Variants in RYR3 observed in about 807,000 individuals in gnomAD.
RYR3 encodes brain ryanodine receptor-calcium release channel.
RYR3 carries 207 observed loss-of-function variants against 584.3 expected under a neutral mutation model. The observed-to-expected ratio is 0.35, with a 90% CI of 0.32 to 0.40. RYR3 has a LOEUF of 0.40. Among genes scored for constraint, RYR3 ranks in the 10% least tolerant of loss-of-function variants. The probability of loss-of-function intolerance (pLI) is 1.00; values close to 1 mark genes in which losing one functional copy is unlikely to be tolerated. For synonymous variants in RYR3, 2,416 were observed against 2,248.5 expected (o/e 1.07, Z -2.11); for missense variants, 5,616 against 6,089.2 (o/e 0.92, Z 2.59).
At chr15:33,345,193 A>G (rs74005183) in intron 1 of RYR3, among the ~76,000 whole-genome samples, 9,157 of 152,238 alleles carry the variant, frequency 0.06, 407 homozygotes, top group African/African-American at 0.13. Context: ...AGAACAGAGT[A>G]TAAGCCTACC....
At chr15:33,651,608 G>A (rs1444866401) in intron 31 of RYR3, among the ~76,000 whole-genome samples, 1 of 152,156 alleles carries the variant, frequency 6.6e-6, no homozygotes, top group Non-Finnish European at 1.5e-5. Flanking sequence ...GAGAGGTGAA[G>A]CAACTCTCAG....
chr15:33,624,415 G>A (rs757669447), intron 20 of RYR3, among the ~76,000 whole-genome samples: 3 of 152,210 alleles, frequency 2.0e-5, no homozygotes, highest in Non-Finnish European at 4.4e-5. Context: ...GTTTCTAGAA[G>A]TCTGTGTGGT....
At chr15:33,741,637 G>A (rs1415224208) in intron 51 of RYR3, among the ~76,000 whole-genome samples, 1 of 151,782 alleles carries the variant, frequency 6.6e-6, no homozygotes, top group Non-Finnish European at 1.5e-5. Context: ...TTTTTGAGAT[G>A]GAGTCTTACT....
At chr15:33,623,752 T>C in intron 19 of RYR3, 55 bp from the exon 20 acceptor site, 1 of 1,271,806 alleles carries the variant, frequency 7.9e-7, no homozygotes, top group East Asian at 2.3e-5. Flanking sequence ...TTCACTTATT[T>C]GGGCTGCATT....
chr15:33,328,892 TC>T (rs1413007293), intron 1 of RYR3, among the ~76,000 whole-genome samples: 1 of 152,232 alleles, frequency 6.6e-6, no homozygotes. Context: ...CTCCCCCTTT[TC>T]CCTTGTTTTC....
Position 33,575,035 on chromosome 15 carries a change from G to A in RYR3, c.1269-4941G>A, listed in dbSNP as rs572178808. Among the ~76,000 whole-genome samples the A allele has an allele frequency of 3.9e-5, 6 of 152,148 alleles. No homozygotes were observed. The South Asian group carries it at 1.0e-3, about 26-fold the overall frequency. ...CTAAGATCAAAAAAGACAAAGAAGGGCATTACATAATAATAAAGAGTTCAA... is the reference window on the plus strand; with the variant it reads ...CTAAGATCAAAAAAGACAAAGAAGGACATTACATAATAATAAAGAGTTCAA... On this transcript the variant is annotated intron_variant, in intron 12 of 103. Coordinates refer to ENST00000634891, the MANE Select transcript of RYR3 (RefSeq NM_001036.6).
intron 67 of RYR3, among the ~76,000 whole-genome samples, chr15:33,792,301 C>A (rs2075209080): frequency 6.6e-6 from 1 of 152,120 alleles, no homozygotes; most frequent in Non-Finnish European, 1.5e-5. Context: ...TGGAAAAGAG[C>A]ACAATATAAT....
intron 45 of RYR3, among the ~76,000 whole-genome samples, chr15:33,725,968 C>T (rs1254508758): frequency 3.6e-5 from 1 of 27,620 alleles, no homozygotes; most frequent in African/African-American, 1.1e-4. Flanking sequence ...AGACTCCATC[C>T]CCCCCCCCAA....
At chr15:33,839,357 C>T (rs766264479) in intron 89 of RYR3, among the ~76,000 whole-genome samples, 7 of 152,172 alleles carry the variant, frequency 4.6e-5, no homozygotes, top group African/African-American at 7.2e-5. Flanking sequence ...CATAAAAGGT[C>T]AAAATGATCC....
intron 18 of RYR3, among the ~76,000 whole-genome samples, chr15:33,612,134 A>G (rs2060225305): frequency 6.6e-6 from 1 of 152,210 alleles, no homozygotes; most frequent in Non-Finnish European, 1.5e-5. Flanking sequence ...GTAGGTGGTT[A>G]TAATTATTAA....
At position 33,662,236 on chromosome 15, in the gene RYR3, G is replaced by A; in HGVS notation, c.4706G>A (p.Cys1569Tyr). 6.2e-7 allele frequency: 1 copy of A among 1,609,374 alleles called. No individual in the cohort carries two copies. The highest frequency in any genetic ancestry group is 8.5e-7 in the Non-Finnish European group (1 of 1,178,142). The change falls in exon 35 of 104, where the codon TGC (cysteine) becomes TAC (tyrosine). Residue 1569 changes from cysteine to tyrosine, a missense_variant. Transcript: ENST00000634891. ...YHTLRLYSAV[C>Y]ALGNSRVAYA... Reference sequence around the variant, plus strand: ...ACGCTGAGGCTCTACAGCGCGGTGTGCGCCCTGGGAAACAGCCGCGTGGCC... The same window carrying A: ...ACGCTGAGGCTCTACAGCGCGGTGTACGCCCTGGGAAACAGCCGCGTGGCC...
At chr15:33,451,556 G>A (rs968258279) in intron 1 of RYR3, among the ~76,000 whole-genome samples, 3 of 152,124 alleles carry the variant, frequency 2.0e-5, no homozygotes, top group South Asian at 2.1e-4. Flanking sequence ...TTATTAATGC[G>A]TCAGTGACGT....
At chr15:33,735,859 C>G (rs1015031373) in intron 48 of RYR3, among the ~76,000 whole-genome samples, 4 of 152,154 alleles carry the variant, frequency 2.6e-5, no homozygotes, top group Non-Finnish European at 5.9e-5. Context: ...TGCAGCTGCT[C>G]AACGCCAGTT....
intron 31 of RYR3, among the ~76,000 whole-genome samples, 179 bp downstream of exon 31, chr15:33,649,414 G>A (rs901159414): frequency 2.6e-5 from 4 of 152,196 alleles, no homozygotes; most frequent in African/African-American, 4.8e-5. Flanking sequence ...AAGTGCTAGT[G>A]AAAATAGAGA....
At chr15:33,749,691 A>T (rs2071092644) in intron 55 of RYR3, among the ~76,000 whole-genome samples, 1 of 152,232 alleles carries the variant, frequency 6.6e-6, no homozygotes, top group African/African-American at 2.4e-5. Flanking sequence ...TGCTGCCAGC[A>T]TGCGGGTTCA....
chr15:33,807,867 G>A, intron 70 of RYR3: 1 of 438,912 alleles, frequency 2.3e-6, no homozygotes, highest in South Asian at 3.3e-5. Context: ...AACAGAGATA[G>A]GGATGACTGA....
At chr15:33,725,019 T>A (rs989592230) in intron 45 of RYR3, among the ~76,000 whole-genome samples, 1 of 151,976 alleles carries the variant, frequency 6.6e-6, no homozygotes, top group Non-Finnish European at 1.5e-5. Flanking sequence ...GCTTTCCTGA[T>A]CACCTCTCAT....
intron 20 of RYR3, among the ~76,000 whole-genome samples, 192 bp from the exon 21 acceptor site, chr15:33,628,279 A>G (rs2061095458): frequency 6.6e-6 from 1 of 152,174 alleles, no homozygotes; most frequent in Admixed American, 6.5e-5. Context: ...CAGAGAGACA[A>G]CAAGGAGCAG....
At chr15:33,437,711 A>G (rs1176435799) in intron 1 of RYR3, among the ~76,000 whole-genome samples, 3 of 152,134 alleles carry the variant, frequency 2.0e-5, no homozygotes, top group African/African-American at 7.2e-5. Flanking sequence ...CCTCTTCTCT[A>G]ATACCACATT....
Sources: gnomAD v4.1 joint callset for allele counts (sites outside exome capture counted in the v4.1 genomes callset) on GRCh38, gnomAD v4.1.1 for gene constraint, MANE v1.5 for transcripts, NCBI Gene and HGNC (gene_info 2026-07-23, HGNC 2026-07-21) for gene names.